Variants in OLFML2B observed in about 807,000 individuals in gnomAD.
OLFML2B encodes olfactomedin-like protein 2B.
In OLFML2B, 57 loss-of-function variants were observed where a neutral mutation model predicts 74.9. That is an observed-to-expected ratio of 0.76 (90% CI 0.61 to 0.95). The LOEUF (loss-of-function observed/expected upper bound fraction) is 0.95, where lower values mean the gene tolerates loss of function less well. OLFML2B is among the 40% of genes least tolerant of loss of function. The pLI is 0.00. For missense variants in OLFML2B, 986 were observed against 970.6 expected, an observed-to-expected ratio of 1.02 and a Z score of -0.21; for synonymous variants, 388 against 405.8, an observed-to-expected ratio of 0.96 and a Z score of 0.53.
chr1:161,998,735 C>G (rs1690000853), intron 5 of OLFML2B, among the ~76,000 whole-genome samples: 1 of 152,138 alleles, frequency 6.6e-6, no homozygotes, highest in South Asian at 2.1e-4. Context: ...CACAGAGCTT[C>G]TATATAGTGG....
chr1:162,011,983 T>C (rs986821776), intron 3 of OLFML2B, among the ~76,000 whole-genome samples: 2 of 152,174 alleles, frequency 1.3e-5, no homozygotes, highest in Non-Finnish European at 2.9e-5. Flanking sequence ...TATACAACCC[T>C]GGGAGAGGTA....
chr1:161,993,654 C>T (rs1689807329), intron 6 of OLFML2B, among the ~76,000 whole-genome samples: 1 of 152,148 alleles, frequency 6.6e-6, no homozygotes, highest in South Asian at 2.1e-4. Context: ...ATCACTCTCC[C>T]TCACTCGACC....
chr1:162,006,179 T>C (rs570653387), intron 4 of OLFML2B, 118 bp downstream of exon 4: 12 of 924,670 alleles, frequency 1.3e-5, no homozygotes, highest in Middle Eastern at 3.5e-4. Context: ...ATTGTATGGA[T>C]GAAGCGAGCT....
chr1:161,997,484 T>C (rs907939504), intron 6 of OLFML2B, among the ~76,000 whole-genome samples: 2 of 152,130 alleles, frequency 1.3e-5, no homozygotes, highest in Admixed American at 1.3e-4. Context: ...CACAGAAAAA[T>C]TCATTTATTC....
intron 3 of OLFML2B, among the ~76,000 whole-genome samples, chr1:162,016,242 T>A (rs1690531016): frequency 6.6e-6 from 1 of 152,202 alleles, no homozygotes; most frequent in South Asian, 2.1e-4. Context: ...ATTAGCATAC[T>A]TTGTATCCTC....
chr1:162,006,635 C>T (rs1332653296), intron 3 of OLFML2B, among the ~76,000 whole-genome samples, 162 bp from the exon 4 acceptor site: 1 of 152,106 alleles, frequency 6.6e-6, no homozygotes, highest in Non-Finnish European at 1.5e-5. Flanking sequence ...CTGGGCTGAG[C>T]ACCGGTACCA....
At position 161,996,689 on chromosome 1, in the gene OLFML2B, C is replaced by T. The variant is rs1240658708; in HGVS notation, c.1474+1136G>A. 2.6e-5 allele frequency among the ~76,000 whole-genome samples: 4 copies of T among 152,232 alleles called. No individual in the cohort carries two copies. The East Asian group carries it at 7.7e-4, about 29-fold the overall frequency. On this transcript the variant is annotated intron_variant, in intron 6 of 7. Coordinates refer to ENST00000294794, the MANE Select transcript of OLFML2B (RefSeq NM_015441.3). ...TTTTGGAAAAGACATTTGTAACTGG[C>T]TCCCATTTTTCCTTTTATAGTTCCT... is the stretch of plus-strand genomic sequence containing the variant.
rs1689488892 is a variant in OLFML2B, at chr1:161,983,641, C to A, written c.*34G>T. ...ACACATACACACAAGGTGCTAGTGACCCCTCTGTGCTTCTGCTTGTGGGGA... is the reference window on the plus strand; with the variant it reads ...ACACATACACACAAGGTGCTAGTGAACCCTCTGTGCTTCTGCTTGTGGGGA... On this transcript the variant is annotated 3_prime_UTR_variant, in exon 8 of 8. Coordinates refer to ENST00000294794, the MANE Select transcript of OLFML2B (RefSeq NM_015441.3). 1.3e-6 allele frequency: 2 copies of A among 1,579,460 alleles called. No homozygotes were observed. The highest frequency in any genetic ancestry group is 1.7e-5 in the Admixed American group (1 of 58,562).
At chr1:162,006,496 G>A (rs774572511) in intron 3 of OLFML2B, 23 bp from the exon 4 acceptor site, 1 of 1,527,646 alleles carries the variant, frequency 6.5e-7, no homozygotes, top group Non-Finnish European at 8.8e-7. Flanking sequence ...AAAAAAAGAT[G>A]ATCCATTAAA....
chr1:162,016,418 C>A (rs546723076), intron 3 of OLFML2B, among the ~76,000 whole-genome samples: 1 of 152,164 alleles, frequency 6.6e-6, no homozygotes, highest in Non-Finnish European at 1.5e-5. Flanking sequence ...AATCATAGAT[C>A]GAAGAACCTT....
chr1:162,005,911 A>T (rs1320168858), intron 4 of OLFML2B, among the ~76,000 whole-genome samples: 6 of 122,590 alleles, frequency 4.9e-5, no homozygotes, highest in African/African-American at 2.3e-4. Flanking sequence ...TCAAAAAAAA[A>T]AAAAAAAAAA....
At position 162,023,293 on chromosome 1, in the gene OLFML2B, T is replaced by C. The variant is rs1215689800; in HGVS notation, c.138A>G (p.Gln46=). The C allele has an allele frequency of 6.3e-7, 1 of 1,578,496 alleles. No homozygotes were observed. Among genetic ancestry groups the C allele is most frequent in the East Asian group, 2.3e-5 (1 of 43,120 alleles). The change falls in exon 1 of 8, where the codon CAA becomes CAG. Residue 46 remains glutamine (Q), a synonymous_variant. Transcript: ENST00000294794. ...TVAPAEDETL[Q]NEADNQENVL... ...CGTTCTCCTGGTTGTCCGCCTCGTTTTGCAGAGTCTCGTCCTCCGCAGGCG... is the reference window on the plus strand; with the variant it reads ...CGTTCTCCTGGTTGTCCGCCTCGTTCTGCAGAGTCTCGTCCTCCGCAGGCG...
At chr1:161,999,687 T>G (rs552274532) in intron 5 of OLFML2B, among the ~76,000 whole-genome samples, 6 of 151,858 alleles carry the variant, frequency 4.0e-5, no homozygotes, top group Admixed American at 3.9e-4. Flanking sequence ...CCATGAAAAA[T>G]GAAGAAGGAC....
At chr1:162,022,090 T>TC (rs1312723445) in intron 1 of OLFML2B, among the ~76,000 whole-genome samples, 1 of 151,670 alleles carries the variant, frequency 6.6e-6, no homozygotes. Flanking sequence ...TTTTCAGACA[T>TC]CCCCCATTCT....
Position 162,023,381 on chromosome 1 carries a change from G to A in OLFML2B, c.50C>T (p.Pro17Leu), listed in dbSNP as rs1252697220. The A allele has an allele frequency of 8.1e-6, 13 of 1,602,452 alleles. No homozygotes were observed. Among genetic ancestry groups the A allele is most frequent in the Middle Eastern group, 3.3e-4 (2 of 6,036 alleles). ...LVLYFALIVVPAWVSSIVLTG... is the reference protein window; with the variant it reads ...LVLYFALIVVLAWVSSIVLTG... ...GAGGACAATGCTGGACACCCAGGCC[G>A]GAACCACAATCAGAGCGAAGTAGAG... The change falls in exon 1 of 8, where the codon CCG (proline) becomes CTG (leucine). Residue 17 changes from proline to leucine, a missense_variant. Coordinates refer to ENST00000294794, the MANE Select transcript of OLFML2B (RefSeq NM_015441.3).
In OLFML2B at chr1:161,984,139, C is replaced by A; in HGVS notation, c.1789G>T (p.Ala597Ser). ...KYDLKQRYVAAWAMLHDVAYE... is the reference protein window; with the variant it reads ...KYDLKQRYVASWAMLHDVAYE... ...GCCACGTCATGCAGCATGGCCCAGG[C>A]AGCCACGTAGCGCTGCTTCAGGTCG... The change falls in exon 8 of 8, where the codon GCC (alanine) becomes TCC (serine). Residue 597 changes from alanine (A) to serine (S), a missense_variant. Ala to Ser is a moderately conservative substitution (Grantham distance 99). Coordinates refer to ENST00000294794, the MANE Select transcript of OLFML2B (RefSeq NM_015441.3). The A allele has an allele frequency of 6.2e-7, 1 of 1,610,712 alleles. No individual in the cohort carries two copies. The highest frequency in any genetic ancestry group is 8.5e-7 in the Non-Finnish European group (1 of 1,178,192).
chr1:161,983,592 C>A lies in OLFML2B; in HGVS notation c.*83G>T. 1.4e-6 allele frequency: 2 copies of A among 1,407,372 alleles called. No individual in the cohort carries two copies. Among genetic ancestry groups the A allele is most frequent in the Non-Finnish European group, 1.9e-6 (2 of 1,034,566 alleles). 87.2% of individuals were successfully genotyped at this position (1,407,372 alleles called of 1,614,324 possible). A position where few individuals can be genotyped will look rare whatever the true frequency, so the allele number is the denominator to read the frequency against. On this transcript the variant is annotated 3_prime_UTR_variant, in exon 8 of 8. Coordinates refer to ENST00000294794, the MANE Select transcript of OLFML2B (RefSeq NM_015441.3). ...ATATATATTTTTAAACAACACATAC[C>A]CACCTACACACACGTGCGCGCACAC...
At position 162,018,980 on chromosome 1, in the gene OLFML2B, T is replaced by G. The variant is rs562502888; in HGVS notation, c.438+939A>C. Among the ~76,000 whole-genome samples, 3 of 152,320 alleles carry G rather than the reference T, an allele frequency of 2.0e-5. No homozygotes were observed. The South Asian group carries it at 6.2e-4, about 32-fold the overall frequency. ...TTCCCCCAGAGTCTAATCCTACAAC[T>G]GAGTGAGTGTGGCACTTGGTTCAGA... On this transcript the variant is annotated intron_variant, in intron 2 of 7. Coordinates refer to ENST00000294794, the MANE Select transcript of OLFML2B (RefSeq NM_015441.3).
chr1:162,013,299 T>G (rs6676438), intron 3 of OLFML2B, among the ~76,000 whole-genome samples: 1 of 152,134 alleles, frequency 6.6e-6, no homozygotes, highest in South Asian at 2.1e-4. Flanking sequence ...GGGGTCTATG[T>G]TGGACTGCTG....
Sources: allele counts gnomAD v4.1 joint callset (sites outside exome capture counted in the v4.1 genomes callset), GRCh38; gene constraint gnomAD v4.1.1; transcripts MANE v1.5; gene names NCBI Gene and HGNC (gene_info 2026-07-23, HGNC 2026-07-21).